Variants in CTDP1 observed in about 807,000 individuals in gnomAD.
CTDP1 encodes the protein CTD phosphatase 1.
Under a neutral mutation model 91.8 loss-of-function variants are expected in CTDP1, and 47 were observed. That is an observed-to-expected ratio of 0.51 (90% confidence interval 0.41 to 0.65). CTDP1 has a LOEUF of 0.65. Among genes scored for constraint, CTDP1 ranks in the 30% least tolerant of loss-of-function variants. The probability of loss-of-function intolerance (pLI) is 0.00; values close to 1 mark genes in which losing one functional copy is unlikely to be tolerated. For missense variants in CTDP1, 1,272 were observed against 1,373.7 expected (o/e 0.93, Z 1.17); for synonymous variants, 656 against 598.5 (o/e 1.10, Z -1.40).
chr18:79,723,519 T>G (rs1487708821), intron 10 of CTDP1, among the ~76,000 whole-genome samples: 1 of 152,216 alleles, frequency 6.6e-6, no homozygotes, highest in African/African-American at 2.4e-5. Flanking sequence ...TTGACCTTTT[T>G]GGTGCTGGGC....
intron 10 of CTDP1, among the ~76,000 whole-genome samples, chr18:79,728,069 T>C (rs1448846505): frequency 1.3e-5 from 2 of 152,334 alleles, no homozygotes; most frequent in East Asian, 1.9e-4. Flanking sequence ...TATTTAACTA[T>C]ACAAGCACAA....
chr18:79,686,535 T>C (rs868209722), intron 1 of CTDP1, among the ~76,000 whole-genome samples: 55 of 152,352 alleles, frequency 3.6e-4, no homozygotes, highest in African/African-American at 1.3e-3. Context: ...TAAATATACA[T>C]CTAGCATCAT....
intron 12 of CTDP1, among the ~76,000 whole-genome samples, chr18:79,749,129 C>G (rs2086941869): frequency 6.6e-6 from 1 of 152,234 alleles, no homozygotes; most frequent in African/African-American, 2.4e-5. Context: ...AGAGTCACAG[C>G]TGGCATTTCC....
At chr18:79,681,750 T>TGTGGCACCAG (rs1303350199) in intron 1 of CTDP1, among the ~76,000 whole-genome samples, 2 of 152,114 alleles carry the variant, frequency 1.3e-5, no homozygotes, top group African/African-American at 4.8e-5. Flanking sequence ...GGAGCGTCTG[T>TGTGGCACCAG]GTGGCACCAG....
intron 10 of CTDP1, among the ~76,000 whole-genome samples, chr18:79,726,903 C>A (rs549880032): frequency 4.6e-5 from 1 of 21,686 alleles, no homozygotes; most frequent in African/African-American, 1.3e-4. Flanking sequence ...GGATGGCTGT[C>A]GGGGTGGGAT....
At chr18:79,716,084 C>T (rs939989718) in intron 8 of CTDP1, among the ~76,000 whole-genome samples, 10 of 152,168 alleles carry the variant, frequency 6.6e-5, no homozygotes, top group Admixed American at 3.3e-4. Flanking sequence ...TGAAGGAAGA[C>T]TTAACACCCC....
intron 12 of CTDP1, among the ~76,000 whole-genome samples, chr18:79,742,174 TGAAGCATGAGAGAGA>T (rs1568217189): frequency 2.9e-5 from 2 of 69,354 alleles, no homozygotes; most frequent in African/African-American, 5.6e-5. Flanking sequence ...AGAGGAAGCA[TGAAGCATGAGAGAGA>T]GAGAGAGAGA....
chr18:79,680,587 ATGGGT>A (rs2085342936), intron 1 of CTDP1, among the ~76,000 whole-genome samples: 1 of 152,244 alleles, frequency 6.6e-6, no homozygotes, highest in African/African-American at 2.4e-5. Flanking sequence ...AGGAAAACTC[ATGGGT>A]GGCTGTGAGC....
At chr18:79,681,943 G>A (rs1335553500) in intron 1 of CTDP1, among the ~76,000 whole-genome samples, 3 of 152,180 alleles carry the variant, frequency 2.0e-5, no homozygotes, top group Non-Finnish European at 2.9e-5. Context: ...GGAGTGTGGT[G>A]GTGGTGGTGT....
chr18:79,697,529 A>G (rs1286583664), intron 3 of CTDP1, among the ~76,000 whole-genome samples: 1 of 152,206 alleles, frequency 6.6e-6, no homozygotes, highest in Non-Finnish European at 1.5e-5. Context: ...CAGCCGGCCG[A>G]CTTGGTTTCT....
chr18:79,679,480 G>A, upstream of CTDP1: 1 of 456,688 alleles, frequency 2.2e-6, no homozygotes, highest in Middle Eastern at 3.3e-4. Flanking sequence ...GCGTGATGGG[G>A]TAATGGCACG....
At position 79,704,835 on chromosome 18, in the gene CTDP1, G is replaced by T. The variant is rs1459365946; in HGVS notation, c.690G>T (p.Lys230Asn). The change falls in exon 5 of 13, where the codon AAG becomes AAT. Residue 230 changes from lysine (K) to asparagine (N), a missense_variant. Lys to Asn is a moderately conservative substitution (Grantham distance 94, BLOSUM62 0). Coordinates refer to ENST00000613122, the MANE Select transcript of CTDP1 (RefSeq NM_004715.5). ...ACACGCGCCTGCGTCCACACTGCAA[G>T]GACTTCCTGGAGAAGATCGCCAAGC... The part of the protein sequence containing the change: ...MLHTRLRPHC[K>N]DFLEKIAKLY... 6.2e-7 allele frequency: 1 copy of T among 1,614,078 alleles called. No homozygotes were observed. Among genetic ancestry groups the T allele is most frequent in the Non-Finnish European group, 8.5e-7 (1 of 1,180,042 alleles).
chr18:79,698,397 A>T (rs1156428760), intron 4 of CTDP1, among the ~76,000 whole-genome samples: 1 of 151,896 alleles, frequency 6.6e-6, no homozygotes, highest in Non-Finnish European at 1.5e-5. Context: ...GGGCAGGTGG[A>T]CGCCTGGGTT....
chr18:79,682,948 T>A (rs1190763096), intron 1 of CTDP1: 1 of 152,264 alleles, frequency 6.6e-6, no homozygotes, highest in Non-Finnish European at 1.5e-5. Context: ...AGCATCTGCC[T>A]TCCTCTAGAG....
intron 12 of CTDP1, among the ~76,000 whole-genome samples, chr18:79,747,539 C>T (rs1001149764): frequency 1.3e-5 from 2 of 152,342 alleles, no homozygotes; most frequent in East Asian, 1.9e-4. Context: ...TGTTGGGTCC[C>T]GCTGACGTCA....
rs3859319 is a variant in CTDP1, at chr18:79,714,052, C to G, written c.1031-439C>G. ...GTGGCGCCAGGTCGTCAGGGGCTTA[C>G]GGCCACGGTGGCGCCAGGTCTGCAG... On this transcript the variant is annotated intron_variant, in intron 7 of 12. Transcript: ENST00000613122. Among the ~76,000 whole-genome samples the G allele has an allele frequency of 2.7e-3, 404 of 149,546 alleles. 7 individuals are homozygous for G. The highest frequency in any genetic ancestry group is 9.5e-3 in the African/African-American group (382 of 40,070).
chr18:79,677,229 C>T (rs553118131), upstream of CTDP1: 24 of 152,386 alleles, frequency 1.6e-4, no homozygotes, highest in East Asian at 2.1e-3. Flanking sequence ...TCGCAGGCCC[C>T]GACATCACCC....
intron 10 of CTDP1, 79 bp downstream of exon 10, chr18:79,718,095 G>A (rs925661860): frequency 2.9e-5 from 44 of 1,540,068 alleles, no homozygotes; most frequent in Non-Finnish European, 3.6e-5. Flanking sequence ...GGGGGATGGC[G>A]TCAGTTGCCC....
At chr18:79,725,255 C>G (rs1302643679) in intron 10 of CTDP1, among the ~76,000 whole-genome samples, 1 of 152,198 alleles carries the variant, frequency 6.6e-6, no homozygotes, top group Non-Finnish European at 1.5e-5. Flanking sequence ...TGTGTGCCGT[C>G]TGCCCCCAGG....
Sources: gnomAD v4.1 joint callset for allele counts (sites outside exome capture counted in the v4.1 genomes callset) on GRCh38, gnomAD v4.1.1 for gene constraint, MANE v1.5 for transcripts, NCBI Gene and HGNC (gene_info 2026-07-23, HGNC 2026-07-21) for gene names.